OCA2: variants seen among roughly 807,000 people sequenced by gnomAD.
The protein encoded by OCA2 is P protein.
Under a neutral mutation model 100.2 loss-of-function variants are expected in OCA2, and 77 were observed. The ratio of observed to expected loss-of-function variants is 0.77; its 90% confidence interval spans 0.64 to 0.93. The LOEUF (loss-of-function observed/expected upper bound fraction) is 0.93, where lower values mean the gene tolerates loss of function less well. Ranked by LOEUF, OCA2 falls within the 40% of genes least tolerant of loss-of-function variation. OCA2 has a pLI of 0.00. For missense variants in OCA2, 1,062 were observed against 1,089.1 expected (o/e 0.98, Z 0.35); for synonymous variants, 432 against 439.2 (o/e 0.98, Z 0.21).
At position 28,081,632 on chromosome 15, in the gene OCA2, A is replaced by C. The variant is rs1350401277; in HGVS notation, c.227+16T>G. 6.2e-7 allele frequency: 1 copy of C among 1,607,002 alleles called. No individual in the cohort carries two copies. Among genetic ancestry groups the C allele is most frequent in the Non-Finnish European group, 8.5e-7 (1 of 1,174,632 alleles). Reference sequence around the variant, plus strand: ...GTGAAGTCCACATTTACAAGATGGCACTATTTTAAACTCACCTCCCTTTTG... The same window carrying C: ...GTGAAGTCCACATTTACAAGATGGCCCTATTTTAAACTCACCTCCCTTTTG... On this transcript the variant is annotated intron_variant, in intron 2 of 23. Coordinates refer to ENST00000354638, the MANE Select transcript of OCA2 (RefSeq NM_000275.3).
intron 19 of OCA2, among the ~76,000 whole-genome samples, chr15:27,897,185 G>A (rs1315123321): frequency 3.4e-5 from 4 of 116,268 alleles, no homozygotes; most frequent in Admixed American, 8.5e-5. Context: ...GCAAGACTCC[G>A]TCTCAAAAAA....
At chr15:27,797,869 T>C (rs2033412999) in intron 23 of OCA2, among the ~76,000 whole-genome samples, 1 of 152,236 alleles carries the variant, frequency 6.6e-6, no homozygotes, top group South Asian at 2.1e-4. Flanking sequence ...AGGGCTCCCA[T>C]GTTGGCCACG....
chr15:27,934,971 T>G (rs1040937467), intron 18 of OCA2, among the ~76,000 whole-genome samples: 1 of 152,152 alleles, frequency 6.6e-6, no homozygotes, highest in Admixed American at 6.5e-5. Flanking sequence ...GGTCCTGCTC[T>G]GAGTCCAGAC....
chr15:28,058,989 GCA>G (rs1361156379), intron 2 of OCA2, among the ~76,000 whole-genome samples: 1 of 152,196 alleles, frequency 6.6e-6, no homozygotes, highest in East Asian at 1.9e-4. Context: ...GGATGAAGGG[GCA>G]CATTCCCACT....
At chr15:27,937,038 C>A (rs976700383) in intron 18 of OCA2, among the ~76,000 whole-genome samples, 3 of 152,194 alleles carry the variant, frequency 2.0e-5, no homozygotes, top group Non-Finnish European at 2.9e-5. Flanking sequence ...ACCGTCCCCC[C>A]ACATTCTCTG....
chr15:27,738,720 C>A, the OCA2 span, among the ~76,000 whole-genome samples: 303 of 142,588 alleles, frequency 2.1e-3, no homozygotes, highest in African/African-American at 3.8e-3. Context: ...GACTCGGTCT[C>A]AGAAAAAAAA....
At position 27,951,550 on chromosome 15, in the gene OCA2, GCA is replaced by G. The variant is rs984266444; in HGVS notation, c.1951+232_1951+233del. On this transcript the variant is annotated intron_variant, in intron 18 of 23. Coordinates refer to ENST00000354638, the MANE Select transcript of OCA2 (RefSeq NM_000275.3). ...TCCCTGGAGGGGCTGAGGACCCATG[GCA>G]CAGAGTCTAAGGGGCCAGAGATGCA... 1.3e-3 allele frequency among the ~76,000 whole-genome samples: 194 copies of G among 152,266 alleles called. 1 individual carries two copies. Among genetic ancestry groups the G allele is most frequent in the African/African-American group, 4.4e-3 (183 of 41,540 alleles).
intron 14 of OCA2, among the ~76,000 whole-genome samples, chr15:27,974,065 A>C (rs1282046285): frequency 6.6e-6 from 1 of 152,178 alleles, no homozygotes; most frequent in African/African-American, 2.4e-5. Flanking sequence ...TTCATTTATC[A>C]AATCTAGGAG....
chr15:28,078,332 G>T (rs2044500830), intron 2 of OCA2, among the ~76,000 whole-genome samples: 1 of 152,126 alleles, frequency 6.6e-6, no homozygotes, highest in African/African-American at 2.4e-5. Context: ...TGCCTGAGTG[G>T]CTCCCAGGAA....
intron 21 of OCA2, among the ~76,000 whole-genome samples, chr15:27,854,593 C>T (rs1360418690): frequency 6.6e-6 from 1 of 152,184 alleles, no homozygotes; most frequent in Non-Finnish European, 1.5e-5. Flanking sequence ...CCCATGCAGT[C>T]CCTGAGGCAC....
intron 2 of OCA2, among the ~76,000 whole-genome samples, chr15:28,067,716 G>T (rs755389785): frequency 6.6e-6 from 1 of 151,944 alleles, no homozygotes; most frequent in African/African-American, 2.4e-5. Flanking sequence ...GTATTATTTC[G>T]ATTTCTTTTG....
chr15:27,893,586 G>A (rs537879738), intron 19 of OCA2, among the ~76,000 whole-genome samples: 2 of 152,110 alleles, frequency 1.3e-5, no homozygotes, highest in Non-Finnish European at 2.9e-5. Context: ...GCATTCCTGG[G>A]GGGAGGTCTA....
At chr15:27,844,293 C>G (rs575374969) in intron 23 of OCA2, among the ~76,000 whole-genome samples, 1 of 152,306 alleles carries the variant, frequency 6.6e-6, no homozygotes, top group Non-Finnish European at 1.5e-5. Flanking sequence ...ATTCCGCCAC[C>G]CTGGCTTCAG....
At chr15:27,989,572 C>A in intron 11 of OCA2, 29 bp downstream of exon 11, 1 of 1,604,706 alleles carries the variant, frequency 6.2e-7, no homozygotes, top group South Asian at 1.1e-5. Flanking sequence ...AGGCGTGGAG[C>A]CCAGTCCCAC....
At chr15:27,817,114 C>T (rs889237351) in intron 23 of OCA2, among the ~76,000 whole-genome samples, 1 of 152,206 alleles carries the variant, frequency 6.6e-6, no homozygotes, top group African/African-American at 2.4e-5. Flanking sequence ...CTCCTATTTA[C>T]CTGGAACCCA....
chr15:27,812,550 C>T (rs987787088), intron 23 of OCA2, among the ~76,000 whole-genome samples: 3 of 152,084 alleles, frequency 2.0e-5, no homozygotes, highest in African/African-American at 7.2e-5. Context: ...TAATTAAAGC[C>T]AATTGTACGT....
At chr15:28,021,435 AG>A (rs1242677236) in intron 6 of OCA2, among the ~76,000 whole-genome samples, 5 of 152,242 alleles carry the variant, frequency 3.3e-5, no homozygotes, top group Non-Finnish European at 1.5e-5. Flanking sequence ...AGGTGACTGT[AG>A]GAAGAGGCGG....
At chr15:27,768,958 C>T (rs3947367) in intron 23 of OCA2, among the ~76,000 whole-genome samples, 109,483 of 152,120 alleles carry the variant, frequency 0.72, 39,577 homozygotes, top group East Asian at 0.77. Flanking sequence ...GGGAGGCAGC[C>T]AGAGGGAGAT....
chr15:27,720,827 A>G, the OCA2 span, among the ~76,000 whole-genome samples: 1 of 152,272 alleles, frequency 6.6e-6, no homozygotes, highest in Admixed American at 6.5e-5. Context: ...AGAATTGTAA[A>G]AGAAGTACAC....
Sources: allele counts gnomAD v4.1 joint callset (sites outside exome capture counted in the v4.1 genomes callset), GRCh38; gene constraint gnomAD v4.1.1; transcripts MANE v1.5; gene names NCBI Gene and HGNC (gene_info 2026-07-23, HGNC 2026-07-21).